The following DOCK9 variants were observed in gnomAD, a reference collection of about 807,000 sequenced individuals.
The protein encoded by DOCK9 is dedicator of cytokinesis protein 9.
In DOCK9, 89 loss-of-function variants were observed where a neutral mutation model predicts 263.3. That is an observed-to-expected ratio of 0.34 (90% CI 0.28 to 0.40). The LOEUF is 0.40. Among genes scored for constraint, DOCK9 ranks in the 10% least tolerant of loss-of-function variants. The pLI is 1.00. For missense variants in DOCK9, 2,140 were observed against 2,603.4 expected (o/e 0.82, Z 3.87); for synonymous variants, 976 against 973.1 (o/e 1.00, Z -0.06).
intron 2 of DOCK9, among the ~76,000 whole-genome samples, chr13:98,936,078 G>C (rs1288993939): frequency 1.3e-5 from 2 of 151,976 alleles, no homozygotes; most frequent in Non-Finnish European, 2.9e-5. Flanking sequence ...GTGCTCTTGT[G>C]GGGTTGCCTG....
In DOCK9 at chr13:98,837,426, C is replaced by G. The variant is rs2066542143; in HGVS notation, c.4314+68G>C. The G allele has an allele frequency of 4.4e-6, 5 of 1,126,494 alleles. No homozygotes were observed. The Admixed American group carries it at 9.6e-5, about 22-fold the overall frequency. 69.8% of individuals were successfully genotyped at this position (1,126,494 alleles called of 1,614,324 possible). A position where few individuals can be genotyped will look rare whatever the true frequency, so the allele number is the denominator to read the frequency against. On this transcript the variant is annotated intron_variant, in intron 39 of 52. Transcript: ENST00000682017. ...ATGCAACATAGTAAGTTTGTGCTCA[C>G]TGAGCTTACCAAGCAGAATGAATGT...
At chr13:98,878,497 A>T (rs1408362769) in intron 27 of DOCK9, among the ~76,000 whole-genome samples, 1 of 151,222 alleles carries the variant, frequency 6.6e-6, no homozygotes, top group Non-Finnish European at 1.5e-5. Context: ...GTAAGACAAC[A>T]TTTTTTTTTA....
At chr13:99,065,973 A>C (rs1302135393) in intron 1 of DOCK9, among the ~76,000 whole-genome samples, 2 of 152,236 alleles carry the variant, frequency 1.3e-5, no homozygotes, top group African/African-American at 4.8e-5. Context: ...ACAGTTTTCA[A>C]GCATCTATAA....
intron 1 of DOCK9, among the ~76,000 whole-genome samples, chr13:99,003,747 C>T (rs1400065890): frequency 1.3e-5 from 2 of 152,200 alleles, no homozygotes; most frequent in Non-Finnish European, 2.9e-5. Flanking sequence ...CCACCATCAC[C>T]TGTGACCCCC....
In DOCK9 at chr13:98,904,657, A is replaced by T; in HGVS notation, c.1010T>A (p.Leu337His). The T allele has an allele frequency of 6.4e-6, 10 of 1,557,776 alleles. No homozygotes were observed. The highest frequency in any genetic ancestry group is 8.7e-6 in the Non-Finnish European group (10 of 1,149,530). The change falls in exon 10 of 53, where the codon CTT becomes CAT. Residue 337 changes from leucine to histidine, a missense_variant. Leu to His is a moderately conservative substitution (Grantham distance 99). Transcript: ENST00000682017. ...IKLKSESRVK[L>H]FYLDPDAQKL... is the part of the protein sequence containing the mutation. ...CTGGGCATCTGGGTCCAAATAAAAA[A>T]GTTTGACTCTGCTTTCACTTTTCAG...
At position 98,841,834 on chromosome 13, in the gene DOCK9, G is replaced by A. The variant is rs979028698; in HGVS notation, c.4198+4090C>T. The stretch of plus-strand genomic sequence containing the variant: ...TATTATTTGTTTTTAGTAGAGACGG[G>A]GTTTCACCATGTTGTCCAGGCTGGT... On this transcript the variant is annotated intron_variant, in intron 38 of 52. Transcript: ENST00000682017. Among the ~76,000 whole-genome samples, 101 of 151,460 alleles carry A rather than the reference G, an allele frequency of 6.7e-4. 2 individuals carry two copies. The highest frequency in any genetic ancestry group is 2.4e-3 in the African/African-American group (98 of 41,310).
intron 44 of DOCK9, among the ~76,000 whole-genome samples, chr13:98,824,745 T>G (rs1026298764): frequency 5.3e-5 from 8 of 152,212 alleles, no homozygotes; most frequent in Admixed American, 2.6e-4. Flanking sequence ...TTTATTAAAA[T>G]GTATGCAATC....
At chr13:98,881,715 T>C (rs553292067) in intron 24 of DOCK9, 88 bp from the exon 25 acceptor site, 3 of 1,377,306 alleles carry the variant, frequency 2.2e-6, no homozygotes, top group African/African-American at 2.9e-5. Context: ...ACAATGATGA[T>C]GCTATCAGCA....
rs759637647 is a variant in DOCK9 at position 98,805,163 on chromosome 13, G to A, written c.5561C>T (p.Thr1854Ile). 2.5e-6 allele frequency: 4 copies of A among 1,607,450 alleles called. No homozygotes were observed. The South Asian group carries it at 4.5e-5, about 18-fold the overall frequency. ...LDSKYAYIQV[T>I]HVIPFFDEKE... is the part of the protein sequence containing the mutation. ...TTCGTCAAAGAAGGGGATGACGTGA[G>A]TCACCTGGATGTATGCATACTTAGA... Residue 1854 changes from threonine to isoleucine, a missense_variant, in exon 49 of 53, where the codon ACT becomes ATT. Thr to Ile is a moderately conservative substitution (Grantham distance 89, BLOSUM62 -1). Transcript: ENST00000682017.
intron 27 of DOCK9, among the ~76,000 whole-genome samples, chr13:98,872,174 G>A (rs1359276868): frequency 2.0e-5 from 3 of 152,108 alleles, no homozygotes; most frequent in Non-Finnish European, 4.4e-5. Context: ...CCACTCTCTG[G>A]TGTGGTTTAG....
intron 2 of DOCK9, among the ~76,000 whole-genome samples, chr13:98,941,776 G>C: frequency 6.6e-6 from 1 of 152,080 alleles, no homozygotes; most frequent in East Asian, 1.9e-4. Context: ...ACTAAAAACA[G>C]CCTCCTCAAA....
chr13:99,023,738 C>T (rs1423472683), intron 1 of DOCK9, among the ~76,000 whole-genome samples: 2 of 152,182 alleles, frequency 1.3e-5, no homozygotes, highest in East Asian at 1.9e-4. Flanking sequence ...ACCAGAAAAA[C>T]GAGGATGGTA....
chr13:98,808,753 T>C (rs1163064953), intron 47 of DOCK9: 12 of 903,436 alleles, frequency 1.3e-5, no homozygotes, highest in Middle Eastern at 3.1e-4. Context: ...GCCCTAAATA[T>C]ATGTATTATA....
At chr13:99,055,500 G>A (rs977626189) in intron 1 of DOCK9, among the ~76,000 whole-genome samples, 1 of 152,130 alleles carries the variant, frequency 6.6e-6, no homozygotes, top group Non-Finnish European at 1.5e-5. Context: ...CTTAACTGTG[G>A]AGGGGACCGC....
intron 13 of DOCK9, 63 bp downstream of exon 13, chr13:98,901,715 A>G (rs2048308312): frequency 3.2e-6 from 5 of 1,557,292 alleles, no homozygotes; most frequent in Middle Eastern, 1.7e-4. Context: ...GATTTATAGT[A>G]TCACATAAAG....
intron 1 of DOCK9, among the ~76,000 whole-genome samples, chr13:99,044,037 T>C (rs144998795): frequency 7.2e-4 from 109 of 152,310 alleles, no homozygotes; most frequent in African/African-American, 2.3e-3. Flanking sequence ...TGTAACCCAA[T>C]TGTGATTCTT....
chr13:98,897,711 T>C (rs1274113703), intron 14 of DOCK9, 101 bp from the exon 15 acceptor site: 3 of 1,475,900 alleles, frequency 2.0e-6, no homozygotes, highest in Non-Finnish European at 2.8e-6. Flanking sequence ...TATTATTCCA[T>C]TGGCTATAGC....
chr13:99,085,629 G>GC (rs901698276), intron 1 of DOCK9, among the ~76,000 whole-genome samples: 22 of 152,238 alleles, frequency 1.4e-4, no homozygotes, highest in African/African-American at 5.1e-4. Flanking sequence ...TTCCCATCAT[G>GC]CCCCCCAAGC....
chr13:99,043,102 C>T (rs1294750908), intron 1 of DOCK9, among the ~76,000 whole-genome samples: 1 of 152,090 alleles, frequency 6.6e-6, no homozygotes, highest in Admixed American at 6.5e-5. Flanking sequence ...GGCCTCAGCC[C>T]GTGAGGGACA....
Sources: allele counts gnomAD v4.1 joint callset (sites outside exome capture counted in the v4.1 genomes callset), GRCh38; gene constraint gnomAD v4.1.1; transcripts MANE v1.5; gene names NCBI Gene and HGNC (gene_info 2026-07-23, HGNC 2026-07-21).